CNOT8: variants seen among roughly 807,000 people sequenced by gnomAD.
CNOT8 encodes CCR4-NOT transcription complex subunit 8, also known as CAF1-like protein.
CNOT8 carries 18 observed loss-of-function variants against 34.6 expected under a neutral mutation model. That is an observed-to-expected ratio of 0.52 (90% CI 0.36 to 0.77). The LOEUF is 0.77. Ranked by LOEUF, CNOT8 falls within the 30% of genes least tolerant of loss-of-function variation. CNOT8 has a pLI of 0.00. For synonymous variants in CNOT8, 101 were observed against 118.8 expected (o/e 0.85, Z 0.98); for missense variants, 189 against 347.9 (o/e 0.54, Z 3.63).
intron 6 of CNOT8, among the ~76,000 whole-genome samples, chr5:154,874,787 C>T (rs543101076): frequency 2.0e-5 from 3 of 151,926 alleles, no homozygotes; most frequent in African/African-American, 7.2e-5. Flanking sequence ...CCTGCCTTGG[C>T]GCCCCAAAGT....
rs878980849 is a variant in CNOT8, at chr5:154,875,669, C to G, written c.*230C>G. 2 of 434,140 alleles carry G rather than the reference C, an allele frequency of 4.6e-6. No individual in the cohort carries two copies. Among genetic ancestry groups the G allele is most frequent in the African/African-American group, 2.0e-5 (1 of 49,676 alleles). The allele number at this position is 434,140 out of a possible 1,614,324, so 26.9% of individuals were successfully genotyped here. ...ATAAGTCTTCCCCATTCCTCATACT[C>G]GAGCCTCTCCTCTCTGGTTGCCTCC... On this transcript the variant is annotated 3_prime_UTR_variant, in exon 7 of 7. Coordinates refer to ENST00000285896, the MANE Select transcript of CNOT8 (RefSeq NM_001301073.2).
rs577639801 is a variant in CNOT8, at chr5:154,861,760, G to A, written c.-72-1447G>A. ...GTCGCCCAGGCTGGAGTGCGGTGGC[G>A]CGATCTTGGCTCACTGCAACCTCTG... is the stretch of plus-strand genomic sequence containing the variant. On this transcript the variant is annotated intron_variant, in intron 1 of 6. Coordinates refer to ENST00000285896, the MANE Select transcript of CNOT8 (RefSeq NM_001301073.2). Among the ~76,000 whole-genome samples the A allele has an allele frequency of 1.2e-4, 18 of 152,244 alleles. No homozygotes were observed. In the East Asian group the frequency reaches 2.3e-3, roughly 20 times the overall value.
intron 1 of CNOT8, 26 bp downstream of exon 1, chr5:154,858,794 A>G (rs1761043568): frequency 6.6e-6 from 1 of 151,090 alleles, no homozygotes; most frequent in African/African-American, 2.4e-5. Context: ...CTTACCGGAA[A>G]GAGGAGCGTA....
At chr5:154,871,931 CTT>C in intron 5 of CNOT8, 57 bp downstream of exon 5, 1 of 1,507,298 alleles carries the variant, frequency 6.6e-7, no homozygotes, top group Non-Finnish European at 9.1e-7. Flanking sequence ...AAAAAGCTGA[CTT>C]TGCTTTATTG....
At chr5:154,874,045 T>G (rs1762722138) in intron 6 of CNOT8, among the ~76,000 whole-genome samples, 1 of 152,156 alleles carries the variant, frequency 6.6e-6, no homozygotes, top group Non-Finnish European at 1.5e-5. Context: ...TTATCCTGTT[T>G]TATAGATAGG....
chr5:154,868,507 A>T (rs1469001888), intron 3 of CNOT8, among the ~76,000 whole-genome samples: 1 of 151,792 alleles, frequency 6.6e-6, no homozygotes, highest in African/African-American at 2.4e-5. Context: ...CTCGTGATCC[A>T]CCCACTCTGG....
rs1024664351 is a variant in CNOT8 at position 154,869,769 on chromosome 5, C to T, written c.312-892C>T. ...GCTCCCAAGTAGCTGGGATTACAGG[C>T]GTGCGCCACCACGCCCAGCTAATTT... On this transcript the variant is annotated intron_variant, in intron 3 of 6. Transcript: ENST00000285896. 5.9e-4 allele frequency among the ~76,000 whole-genome samples: 89 copies of T among 152,114 alleles called. 1 individual carries two copies. The highest frequency in any genetic ancestry group is 2.5e-4 in the Non-Finnish European group (17 of 67,990).
chr5:154,870,773 ACATCAGGAGTGG>A lies in CNOT8; in HGVS notation c.425_436del (p.Thr142_Val146delinsIle). On this transcript the variant is annotated inframe_deletion, in exon 4 of 7. Coordinates refer to ENST00000285896, the MANE Select transcript of CNOT8 (RefSeq NM_001301073.2). ...ACTGCACTTTGCAGAGCTGCTTATGACATCAGGAGTGGTTCTCTGTGACAATGTCAAATGGCT... is the reference window on the plus strand; with the variant it reads ...ACTGCACTTTGCAGAGCTGCTTATGATTCTCTGTGACAATGTCAAATGGCT... The A allele has an allele frequency of 6.2e-7, 1 of 1,614,134 alleles. No homozygotes were observed.
intron 2 of CNOT8, among the ~76,000 whole-genome samples, chr5:154,864,563 T>G: frequency 6.6e-6 from 1 of 152,224 alleles, no homozygotes; most frequent in East Asian, 1.9e-4. Context: ...TTTTTCTGAA[T>G]GGCTGTTTCA....
chr5:154,858,294 G>A (rs578018065), upstream of CNOT8: 28 of 152,188 alleles, frequency 1.8e-4, no homozygotes, highest in East Asian at 5.1e-3. Flanking sequence ...TAAATTGAGC[G>A]AGCGCAACTA....
chr5:154,872,639 T>C lies in CNOT8; in HGVS notation c.717T>C (p.Phe239=), dbSNP rs1312846373. Residue 239 remains phenylalanine (F), a synonymous_variant, in exon 6 of 7, where the codon TTT becomes TTC. Transcript: ENST00000285896. ...CACTGCTGACAGGAATGGCTTTCTT[T>C]AGGATGAAAGAGGTAAGCTTCCTTG... The part of the protein sequence containing the change: ...SDSLLTGMAF[F]RMKELFFEDS... The C allele has an allele frequency of 6.2e-7, 1 of 1,611,044 alleles. No individual in the cohort carries two copies. The highest frequency in any genetic ancestry group is 2.2e-5 in the East Asian group (1 of 44,834).
chr5:154,868,071 G>T (rs985966146), intron 3 of CNOT8, among the ~76,000 whole-genome samples: 1 of 151,806 alleles, frequency 6.6e-6, no homozygotes, highest in Non-Finnish European at 1.5e-5. Context: ...CGAGTAGCTG[G>T]GATTACAGGC....
chr5:154,875,402 T>G lies in CNOT8; in HGVS notation c.842T>G (p.Met281Arg). ...GATGTGGACTCTGCCCAGGAGAAGA[T>G]GAGCATCCTGGCGATTATCAACAAC... ...NEDVDSAQEKMSILAIINNMQ... is the reference protein window; with the variant it reads ...NEDVDSAQEKRSILAIINNMQ... The change falls in exon 7 of 7, where the codon ATG (methionine) becomes AGG (arginine). Residue 281 changes from methionine (M) to arginine (R), a missense_variant. This residue lies in a region of CNOT8 where 29 missense variants were observed against 26.1 expected (regional missense o/e 1.11). Transcript: ENST00000285896. 1 of 1,613,986 alleles carries G rather than the reference T, an allele frequency of 6.2e-7. No individual in the cohort carries two copies. The highest frequency in any genetic ancestry group is 8.5e-7 in the Non-Finnish European group (1 of 1,180,014).
At chr5:154,865,021 G>A (rs1288730364) in intron 2 of CNOT8, among the ~76,000 whole-genome samples, 171 bp from the exon 3 acceptor site, 1 of 152,174 alleles carries the variant, frequency 6.6e-6, no homozygotes, top group African/African-American at 2.4e-5. Context: ...CAGCCTGGGT[G>A]ACAGAGACAG....
At chr5:154,870,596 A>G (rs376407854) in intron 3 of CNOT8, 65 bp from the exon 4 acceptor site, 9 of 1,244,808 alleles carry the variant, frequency 7.2e-6, no homozygotes, top group Non-Finnish European at 1.0e-5. Flanking sequence ...AGGTGGTGGT[A>G]ATAGTGTGGC....
chr5:154,871,191 A>G (rs1762451428), intron 4 of CNOT8, among the ~76,000 whole-genome samples: 1 of 152,142 alleles, frequency 6.6e-6, no homozygotes, highest in African/African-American at 2.4e-5. Context: ...TTTTTGGTGA[A>G]TCGAATCTAC....
At chr5:154,865,946 C>G (rs919837074) in intron 3 of CNOT8, among the ~76,000 whole-genome samples, 1 of 152,084 alleles carries the variant, frequency 6.6e-6, no homozygotes, top group Non-Finnish European at 1.5e-5. Context: ...TTTTTTCTAC[C>G]TCTTGACTGT....
At chr5:154,864,055 C>T (rs1007209039) in intron 2 of CNOT8, among the ~76,000 whole-genome samples, 13 of 152,216 alleles carry the variant, frequency 8.5e-5, no homozygotes, top group South Asian at 4.1e-4. Context: ...CTCCTGTAGA[C>T]GGGCATGTGC....
chr5:154,864,199 G>A (rs540714821), intron 2 of CNOT8, among the ~76,000 whole-genome samples: 1 of 152,146 alleles, frequency 6.6e-6, no homozygotes, highest in Non-Finnish European at 1.5e-5. Flanking sequence ...GGTGGCTCAC[G>A]CCTGTAATCC....
Sources: gnomAD v4.1 joint callset for allele counts (sites outside exome capture counted in the v4.1 genomes callset) on GRCh38, gnomAD v4.1.1 for gene constraint, gnomAD v4.1.1 regional missense constraint, MANE v1.5 for transcripts, NCBI Gene and HGNC (gene_info 2026-07-23, HGNC 2026-07-21) for gene names.